MAST4: variants seen among roughly 807,000 people sequenced by gnomAD.
MAST4 encodes microtubule associated serine/threonine kinase family member 4.
A neutral mutation model predicts 162.7 loss-of-function variants in MAST4; 89 were observed. The ratio of observed to expected loss-of-function variants is 0.55; its 90% CI spans 0.46 to 0.65. The LOEUF (loss-of-function observed/expected upper bound fraction) is 0.65, where lower values mean the gene tolerates loss of function less well. Ranked by LOEUF, MAST4 falls within the 30% of genes least tolerant of loss-of-function variation. The probability of loss-of-function intolerance (pLI) is 0.00; values close to 1 mark genes in which losing one functional copy is unlikely to be tolerated. For synonymous variants in MAST4, 1,479 were observed against 1,361.1 expected (o/e 1.09, Z -1.91); for missense variants, 3,153 against 3,374.0 (o/e 0.93, Z 1.62).
chr5:67,110,955 C>T (rs557105814), intron 11 of MAST4, among the ~76,000 whole-genome samples: 5 of 152,140 alleles, frequency 3.3e-5, no homozygotes, highest in Non-Finnish European at 7.4e-5. Flanking sequence ...ACCCAGGAGG[C>T]GGAGGTTGCA....
chr5:66,624,845 A>G (rs1440233305), intron 1 of MAST4, among the ~76,000 whole-genome samples: 1 of 152,226 alleles, frequency 6.6e-6, no homozygotes, highest in Non-Finnish European at 1.5e-5. Context: ...CATACTGGTC[A>G]CAGAAATCAA....
intron 11 of MAST4, among the ~76,000 whole-genome samples, chr5:67,113,208 G>C (rs1024879740): frequency 5.3e-5 from 8 of 151,804 alleles, no homozygotes; most frequent in African/African-American, 7.3e-5. Flanking sequence ...CAGCTACTAG[G>C]GGGGCTGAGG....
intron 4 of MAST4, among the ~76,000 whole-genome samples, chr5:66,989,680 C>T (rs1435049175): frequency 2.6e-5 from 4 of 152,016 alleles, no homozygotes; most frequent in African/African-American, 9.7e-5. Context: ...CAAGAATTTT[C>T]AATAAACAAC....
chr5:66,765,531 C>T (rs929814613), intron 2 of MAST4, among the ~76,000 whole-genome samples: 9 of 151,886 alleles, frequency 5.9e-5, no homozygotes, highest in Admixed American at 3.3e-4. Context: ...ATCCACAGTT[C>T]GTTGAATCTG....
intron 3 of MAST4, among the ~76,000 whole-genome samples, chr5:66,793,211 A>G (rs1755499484): frequency 6.6e-6 from 1 of 152,216 alleles, no homozygotes; most frequent in Non-Finnish European, 1.5e-5. Flanking sequence ...TCCCTTTCCC[A>G]GACACATTGG....
intron 3 of MAST4, among the ~76,000 whole-genome samples, chr5:66,880,067 A>G (rs1761590375): frequency 1.3e-5 from 2 of 152,240 alleles, no homozygotes; most frequent in African/African-American, 2.4e-5. Context: ...TAAACAAATT[A>G]TGTTTCATTC....
chr5:67,145,993 AAGG>A (rs1211898441), intron 23 of MAST4, among the ~76,000 whole-genome samples: 7 of 152,354 alleles, frequency 4.6e-5, no homozygotes, highest in Middle Eastern at 3.4e-3. Flanking sequence ...ATCTGGGACT[AAGG>A]AGGGGAAAGG....
intron 4 of MAST4, among the ~76,000 whole-genome samples, chr5:67,050,760 T>G (rs1021767022): frequency 1.3e-5 from 2 of 152,234 alleles, no homozygotes; most frequent in African/African-American, 4.8e-5. Flanking sequence ...AATAGAACAA[T>G]AGTTGTCACT....
At chr5:66,916,254 A>T (rs1046748626) in intron 4 of MAST4, among the ~76,000 whole-genome samples, 2 of 152,176 alleles carry the variant, frequency 1.3e-5, no homozygotes, top group African/African-American at 4.8e-5. Flanking sequence ...AATGGCTTAG[A>T]ACATTCAGGA....
chr5:66,750,979 T>TC (rs1753119814), intron 1 of MAST4, among the ~76,000 whole-genome samples: 1 of 152,120 alleles, frequency 6.6e-6, no homozygotes, highest in African/African-American at 2.4e-5. Flanking sequence ...CTCAAGTGGG[T>TC]CCCTGACCCC....
rs148551142 is a variant in MAST4 at position 66,829,000 on chromosome 5, A to G, written c.642+40206A>G. Reference sequence around the variant, plus strand: ...AATATGTGCATAATTCTTAGTATCTACATGGCAACGCTATACGGAGTTTCT... The same window carrying G: ...AATATGTGCATAATTCTTAGTATCTGCATGGCAACGCTATACGGAGTTTCT... On this transcript the variant is annotated intron_variant, in intron 3 of 28. Coordinates refer to ENST00000403625, the MANE Select transcript of MAST4 (RefSeq NM_001164664.2). 279 of 838,446 alleles carry G rather than the reference A, an allele frequency of 3.3e-4. 2 individuals are homozygous for G. In the East Asian group the frequency reaches 4.0e-3, roughly 12 times the overall value. The allele number at this position is 838,446 out of a possible 1,614,324, so 51.9% of individuals were successfully genotyped here. A position where few individuals can be genotyped will look rare whatever the true frequency, so the allele number is the denominator to read the frequency against.
chr5:66,899,974 A>T lies in MAST4; in HGVS notation c.666A>T (p.Arg222Ser). 1 of 1,517,846 alleles carries T rather than the reference A, an allele frequency of 6.6e-7. No homozygotes were observed. Among genetic ancestry groups the T allele is most frequent in the Non-Finnish European group, 8.8e-7 (1 of 1,134,072 alleles). 94.0% of individuals were successfully genotyped at this position (1,517,846 alleles called of 1,614,324 possible). A position where few individuals can be genotyped will look rare whatever the true frequency, so the allele number is the denominator to read the frequency against. ...AGAAGGAGCTGAGTCTCCCCAGAAG[A>T]GGAAGTTTGTAAGTAGTAGTATTTT... is the stretch of plus-strand genomic sequence containing the variant. ...ASLKELSLPR[R>S]GSFCRTSNRK... is the part of the protein sequence containing the mutation. The change falls in exon 4 of 29, where the codon AGA becomes AGT. Residue 222 changes from arginine (R) to serine (S), a missense_variant. Physicochemically the swap from Arg to Ser is moderately radical, Grantham distance 110. Coordinates refer to ENST00000403625, the MANE Select transcript of MAST4 (RefSeq NM_001164664.2).
intron 4 of MAST4, among the ~76,000 whole-genome samples, chr5:66,929,702 A>C (rs753837928): frequency 6.6e-6 from 1 of 152,204 alleles, no homozygotes; most frequent in Non-Finnish European, 1.5e-5. Flanking sequence ...AATTAAATTC[A>C]AGGGATAGAC....
chr5:67,156,197 A>G (rs1424554309), intron 26 of MAST4, among the ~76,000 whole-genome samples: 1 of 152,180 alleles, frequency 6.6e-6, no homozygotes, highest in East Asian at 1.9e-4. Context: ...GGTGGGTGCT[A>G]TAAATATAAA....
intron 1 of MAST4, among the ~76,000 whole-genome samples, chr5:66,718,230 G>T (rs1390562584): frequency 6.6e-6 from 1 of 151,096 alleles, no homozygotes; most frequent in Non-Finnish European, 1.5e-5. Context: ...AAATGAGAGG[G>T]ACTCTATTTG....
rs1239645570 is a variant in MAST4, at chr5:67,009,369, G to A, written c.675-45035G>A. Among the ~76,000 whole-genome samples the A allele has an allele frequency of 2.6e-5, 4 of 152,202 alleles. No homozygotes were observed. The East Asian group carries it at 7.7e-4, about 29-fold the overall frequency. ...GGCCTGGTGACCTTGGCAACACAGA[G>A]TTCCAGGAACTAGACATGGCTTAGT... On this transcript the variant is annotated intron_variant, in intron 4 of 28. Transcript: ENST00000403625.
intron 3 of MAST4, among the ~76,000 whole-genome samples, chr5:66,797,721 G>A (rs905165466): frequency 1.3e-5 from 2 of 152,146 alleles, no homozygotes; most frequent in African/African-American, 4.8e-5. Context: ...CAGGTGTCTG[G>A]GAAAACTTTG....
chr5:66,760,350 G>A (rs1020813718), intron 2 of MAST4, among the ~76,000 whole-genome samples: 2 of 152,104 alleles, frequency 1.3e-5, no homozygotes, highest in East Asian at 3.9e-4. Context: ...TCTTGACCTC[G>A]TGATCTGCCT....
intron 3 of MAST4, among the ~76,000 whole-genome samples, chr5:66,807,680 G>A (rs1281012995): frequency 6.6e-6 from 1 of 152,022 alleles, no homozygotes. Context: ...CCTGCATAGA[G>A]GAATTTGCAT....
Sources: gnomAD v4.1 joint callset for allele counts (sites outside exome capture counted in the v4.1 genomes callset) on GRCh38, gnomAD v4.1.1 for gene constraint, MANE v1.5 for transcripts, NCBI Gene and HGNC (gene_info 2026-07-23, HGNC 2026-07-21) for gene names.